Variants in KCNN2 observed in about 807,000 individuals in gnomAD.
The protein encoded by KCNN2 is potassium calcium-activated channel subfamily N member 2.
A neutral mutation model predicts 55.5 loss-of-function variants in KCNN2; 24 were observed. The ratio of observed to expected loss-of-function variants is 0.43; its 90% CI spans 0.31 to 0.61. The LOEUF (loss-of-function observed/expected upper bound fraction) is 0.61, where lower values mean the gene tolerates loss of function less well. Ranked by LOEUF, KCNN2 falls within the 20% of genes least tolerant of loss-of-function variation. KCNN2 has a pLI of 0.08. For synonymous variants in KCNN2, 431 were observed against 336.1 expected (o/e 1.28, Z -3.09); for missense variants, 754 against 853.6 (o/e 0.88, Z 1.45).
chr5:114,445,577 G>A (rs1760373898), intron 3 of KCNN2, among the ~76,000 whole-genome samples: 1 of 152,112 alleles, frequency 6.6e-6, no homozygotes, highest in Non-Finnish European at 1.5e-5. Context: ...CACACCATTG[G>A]AAGCATCTGT....
At chr5:114,102,848 T>G (rs1389200989) in intron 1 of KCNN2, among the ~76,000 whole-genome samples, 4 of 152,198 alleles carry the variant, frequency 2.6e-5, no homozygotes, top group African/African-American at 9.6e-5. Flanking sequence ...AGCCTTGTAG[T>G]GTAGTTTGAA....
At chr5:114,150,065 A>G (rs766902030) in intron 1 of KCNN2, among the ~76,000 whole-genome samples, 7 of 152,216 alleles carry the variant, frequency 4.6e-5, no homozygotes, top group Non-Finnish European at 7.3e-5. Flanking sequence ...ATGTCCGTTC[A>G]TAGGCTCTCT....
intron 2 of KCNN2, among the ~76,000 whole-genome samples, chr5:114,399,932 T>TG (rs1157511612): frequency 6.7e-6 from 1 of 149,450 alleles, no homozygotes; most frequent in African/African-American, 2.4e-5. Flanking sequence ...TTTTTTTTGT[T>TG]TTTTTTTTTT....
intron 2 of KCNN2, among the ~76,000 whole-genome samples, chr5:114,245,411 A>G (rs1322806242): frequency 6.6e-6 from 1 of 152,220 alleles, no homozygotes; most frequent in Non-Finnish European, 1.5e-5. Flanking sequence ...GCTTTCACAT[A>G]TATTATTTCA....
intron 2 of KCNN2, among the ~76,000 whole-genome samples, chr5:114,224,599 C>CACACA (rs1180416784): frequency 5.9e-5 from 9 of 152,080 alleles, no homozygotes; most frequent in Non-Finnish European, 1.2e-4. Flanking sequence ...AAACAGAATC[C>CACACA]CGCTGGAGGT....
At chr5:114,250,748 GC>G (rs1222178857) in intron 2 of KCNN2, among the ~76,000 whole-genome samples, 1 of 152,166 alleles carries the variant, frequency 6.6e-6, no homozygotes, top group Non-Finnish European at 1.5e-5. Flanking sequence ...TCTATTTTGG[GC>G]CACACTTAGA....
chr5:114,358,092 T>G (rs1454126439), upstream of KCNN2, among the ~76,000 whole-genome samples: 2 of 151,608 alleles, frequency 1.3e-5, no homozygotes, highest in African/African-American at 4.8e-5. Flanking sequence ...GCTGCATAAA[T>G]GTCTTCCTTT....
chr5:114,423,416 C>T (rs770066406), intron 3 of KCNN2, among the ~76,000 whole-genome samples: 19 of 152,090 alleles, frequency 1.2e-4, no homozygotes, highest in South Asian at 4.1e-4. Context: ...CAAAAGCTAA[C>T]TTCTCCAGGG....
intron 1 of KCNN2, among the ~76,000 whole-genome samples, chr5:114,173,295 G>GT (rs1306969135): frequency 6.6e-6 from 1 of 152,004 alleles, no homozygotes; most frequent in East Asian, 1.9e-4. Context: ...CTATGTGTCT[G>GT]TTTTTATGAC....
At chr5:114,346,704 A>G (rs1757109174) in intron 2 of KCNN2, among the ~76,000 whole-genome samples, 1 of 152,016 alleles carries the variant, frequency 6.6e-6, no homozygotes, top group Non-Finnish European at 1.5e-5. Flanking sequence ...GGGCCTGTAA[A>G]AAATGACATG....
At chr5:114,447,239 C>G (rs1760452353) in intron 3 of KCNN2, among the ~76,000 whole-genome samples, 1 of 152,134 alleles carries the variant, frequency 6.6e-6, no homozygotes, top group Admixed American at 6.5e-5. Flanking sequence ...TAATTCTTAG[C>G]CTGATTGGTA....
Position 114,362,942 on chromosome 5 carries a change from C to T in KCNN2, c.803C>T (p.Ala268Val). 6.3e-7 allele frequency: 1 copy of T among 1,587,240 alleles called. No homozygotes were observed. The highest frequency in any genetic ancestry group is 8.5e-7 in the Non-Finnish European group (1 of 1,174,036). The part of the protein sequence containing the change: ...ASSPSAAAAA[A>V]AAVSSSAPEI... The stretch of plus-strand genomic sequence containing the variant: ...TCCCCGTCTGCAGCCGCTGCCGCCG[C>T]CGCCGCTGTTTCGTCCTCAGCCCCC... The change falls in exon 1 of 8, where the codon GCC becomes GTC. Residue 268 changes from alanine (A) to valine (V), a missense_variant. Physicochemically the swap from Ala to Val is moderately conservative, Grantham distance 64 (BLOSUM62 0). This residue lies in a region of KCNN2 where 381 missense variants were observed against 259.1 expected (regional missense o/e 1.47). Coordinates refer to ENST00000673685, the MANE Select transcript of KCNN2 (RefSeq NM_021614.4).
intron 3 of KCNN2, among the ~76,000 whole-genome samples, chr5:114,456,850 T>G (rs1302322278): frequency 6.6e-6 from 1 of 152,164 alleles, no homozygotes; most frequent in Non-Finnish European, 1.5e-5. Context: ...AATAAGTGAT[T>G]GAATTGCTGC....
Position 114,496,156 on chromosome 5 carries a change from C to A in KCNN2, c.2350C>A (p.Pro784Thr). Reference sequence around the variant, plus strand: ...GAGGCGGCGGTCCTCTTCCACAGCACCACCAACTTCATCAGAGAGTAGCTA... The same window carrying A: ...GAGGCGGCGGTCCTCTTCCACAGCAACACCAACTTCATCAGAGAGTAGCTA... ...SRRRRSSSTAPPTSSESS is the reference protein window; with the variant it reads ...SRRRRSSSTATPTSSESS Residue 784 changes from proline (P) to threonine (T), a missense_variant, in exon 8 of 8, where the codon CCA becomes ACA. Around this residue, in one of 4 missense-constraint regions of KCNN2, gnomAD observed 164 missense variants for 156.6 expected, o/e 1.05. Coordinates refer to ENST00000673685, the MANE Select transcript of KCNN2 (RefSeq NM_021614.4). 1 of 1,613,968 alleles carries A rather than the reference C, an allele frequency of 6.2e-7. No individual in the cohort carries two copies. Among genetic ancestry groups the A allele is most frequent in the Non-Finnish European group, 8.5e-7 (1 of 1,179,952 alleles).
chr5:114,411,201 A>G (rs1011307433), intron 3 of KCNN2, among the ~76,000 whole-genome samples: 2 of 152,000 alleles, frequency 1.3e-5, no homozygotes, highest in East Asian at 1.9e-4. Flanking sequence ...ATTTCACTCT[A>G]TTTTTTGTCA....
intron 1 of KCNN2, among the ~76,000 whole-genome samples, chr5:114,066,931 CA>C (rs1218812616): frequency 6.6e-6 from 1 of 152,188 alleles, no homozygotes; most frequent in Non-Finnish European, 1.5e-5. Flanking sequence ...ACCCAAGTTT[CA>C]GGGAGTAGAC....
chr5:114,305,885 G>A (rs1318861542), intron 2 of KCNN2, among the ~76,000 whole-genome samples: 1 of 152,086 alleles, frequency 6.6e-6, no homozygotes, highest in Non-Finnish European at 1.5e-5. Context: ...GGTCTAAAAG[G>A]GCAGATAAAG....
chr5:114,166,308 A>G (rs942801976), intron 1 of KCNN2, among the ~76,000 whole-genome samples: 6 of 152,140 alleles, frequency 3.9e-5, no homozygotes, highest in Non-Finnish European at 8.8e-5. Context: ...ACAACCAAGA[A>G]CAGCTGGACA....
intron 1 of KCNN2, among the ~76,000 whole-genome samples, chr5:114,106,793 G>A (rs761859032): frequency 6.6e-6 from 1 of 151,836 alleles, no homozygotes; most frequent in Non-Finnish European, 1.5e-5. Flanking sequence ...TCTTCTATCA[G>A]CTATATGTAT....
Sources: gnomAD v4.1 joint callset for allele counts (sites outside exome capture counted in the v4.1 genomes callset) on GRCh38, gnomAD v4.1.1 for gene constraint, gnomAD v4.1.1 regional missense constraint, MANE v1.5 for transcripts, NCBI Gene and HGNC (gene_info 2026-07-23, HGNC 2026-07-21) for gene names.